The following SRPK2 variants were observed in gnomAD, a reference collection of about 807,000 sequenced individuals.
SRPK2 encodes SFRS protein kinase 2.
Under a neutral mutation model 90.8 loss-of-function variants are expected in SRPK2, and 21 were observed. The observed-to-expected ratio is 0.23, with a 90% CI of 0.16 to 0.33. The LOEUF is 0.33. Ranked by LOEUF, SRPK2 falls within the 10% of genes least tolerant of loss-of-function variation. The pLI is 1.00. For missense variants in SRPK2, 620 were observed against 869.0 expected, an observed-to-expected ratio of 0.71 and a Z score of 3.60; for synonymous variants, 288 against 311.1, an observed-to-expected ratio of 0.93 and a Z score of 0.78.
chr7:105,268,030 T>C (rs1025202160), intron 2 of SRPK2, among the ~76,000 whole-genome samples: 1 of 152,200 alleles, frequency 6.6e-6, no homozygotes, highest in African/African-American at 2.4e-5. Flanking sequence ...CAGAACTGTA[T>C]ACAATATTTG....
Position 105,153,319 on chromosome 7 carries a change from G to C in SRPK2, c.622-6661C>G, listed in dbSNP as rs1806006232. On this transcript the variant is annotated intron_variant, in intron 7 of 15. Coordinates refer to ENST00000393651, the MANE Select transcript of SRPK2 (RefSeq NM_182692.3). ...CAAATTAACTAGCTACAGGTTCAGA[G>C]AAAGTTCCTTCTTTTCCTTGAACCT... is the stretch of plus-strand genomic sequence containing the variant. Among the ~76,000 whole-genome samples, 3 of 152,208 alleles carry C rather than the reference G, an allele frequency of 2.0e-5. No individual in the cohort carries two copies. In the South Asian group the frequency reaches 6.2e-4, roughly 32 times the overall value.
intron 2 of SRPK2, among the ~76,000 whole-genome samples, chr7:105,371,779 T>C (rs1819722493): frequency 6.6e-6 from 1 of 152,014 alleles, no homozygotes; most frequent in African/African-American, 2.4e-5. Flanking sequence ...TATGATGTTC[T>C]CTCTCTCTAC....
At chr7:105,170,786 A>AAGGAAGGAC (rs1554435294) in intron 3 of SRPK2, among the ~76,000 whole-genome samples, 14 of 67,614 alleles carry the variant, frequency 2.1e-4, no homozygotes, top group Non-Finnish European at 2.7e-4. Context: ...GAAGGACGGG[A>AAGGAAGGAC]GGGAGGGAGG....
At chr7:105,337,585 G>A (rs1325681236) in intron 2 of SRPK2, among the ~76,000 whole-genome samples, 1 of 152,036 alleles carries the variant, frequency 6.6e-6, no homozygotes, top group East Asian at 1.9e-4. Context: ...AAAGTGCTAG[G>A]ATTACAGGCA....
chr7:105,352,541 A>T (rs757430307), intron 2 of SRPK2, among the ~76,000 whole-genome samples: 4 of 152,250 alleles, frequency 2.6e-5, no homozygotes, highest in Non-Finnish European at 4.4e-5. Flanking sequence ...ACAGAAACTA[A>T]GATGATAAAT....
At chr7:105,248,053 A>G (rs1585347967) in intron 2 of SRPK2, among the ~76,000 whole-genome samples, 2 of 152,176 alleles carry the variant, frequency 1.3e-5, no homozygotes, top group South Asian at 4.1e-4. Flanking sequence ...GGGTTTCTCC[A>G]TGCTGGTCAG....
At chr7:105,229,486 T>C (rs1324518079) in intron 2 of SRPK2, among the ~76,000 whole-genome samples, 2 of 152,128 alleles carry the variant, frequency 1.3e-5, no homozygotes, top group African/African-American at 2.4e-5. Context: ...GCCATCCTTT[T>C]TGTGCTAACA....
chr7:105,160,061 G>A (rs1807354658), intron 7 of SRPK2, among the ~76,000 whole-genome samples: 1 of 152,146 alleles, frequency 6.6e-6, no homozygotes, highest in African/African-American at 2.4e-5. Flanking sequence ...TAGATCTGCA[G>A]AATTTAACCA....
intron 3 of SRPK2, among the ~76,000 whole-genome samples, chr7:105,184,952 A>C (rs1339232066): frequency 6.6e-6 from 1 of 152,110 alleles, no homozygotes; most frequent in African/African-American, 2.4e-5. Context: ...TTTCATGGGC[A>C]AAGGAGGAGT....
chr7:105,365,685 G>A (rs372752407), intron 2 of SRPK2, among the ~76,000 whole-genome samples: 1 of 151,392 alleles, frequency 6.6e-6, no homozygotes, highest in East Asian at 1.9e-4. Context: ...TGCAGTCTCA[G>A]CTACTCGGGG....
intron 1 of SRPK2, among the ~76,000 whole-genome samples, chr7:105,398,007 C>T (rs1015211412): frequency 1.3e-5 from 2 of 151,942 alleles, no homozygotes; most frequent in South Asian, 2.1e-4. Flanking sequence ...CTTTTTTATT[C>T]GACCATATTT....
intron 6 of SRPK2, among the ~76,000 whole-genome samples, chr7:105,163,846 G>A (rs1489689126): frequency 6.6e-6 from 1 of 151,988 alleles, no homozygotes; most frequent in African/African-American, 2.4e-5. Context: ...AATTGAAGAG[G>A]ACAGATGACA....
Position 105,340,246 on chromosome 7 carries a change from C to A in SRPK2, c.71+48402G>T, listed in dbSNP as rs117678664. ...ATAGGAAGTACGCATTATGCCGTAC[C>A]ACAAAATACAATGACTATTTCAAGA... On this transcript the variant is annotated intron_variant, in intron 2 of 15. Transcript: ENST00000393651. Among the ~76,000 whole-genome samples the A allele has an allele frequency of 5.6e-3, 778 of 138,396 alleles. 11 individuals carry two copies. The East Asian group carries it at 0.061, about 11-fold the overall frequency. 90.8% of individuals were successfully genotyped at this position (138,396 alleles called of 152,430 possible).
At chr7:105,351,063 G>C (rs1003409496) in intron 2 of SRPK2, among the ~76,000 whole-genome samples, 2 of 152,112 alleles carry the variant, frequency 1.3e-5, no homozygotes, top group Non-Finnish European at 2.9e-5. Flanking sequence ...GTCTTTAAGA[G>C]GTGACTGTGT....
At position 105,117,528 on chromosome 7, in the gene SRPK2, G is replaced by A; in HGVS notation, c.*310C>T. On this transcript the variant is annotated 3_prime_UTR_variant, in exon 16 of 16. Transcript: ENST00000393651. ...TTACAAAACCTGCCAAAACACAAAG[G>A]GGAAAGTATTTTTCATTCAAAAAAA... 3.4e-6 allele frequency: 1 copy of A among 294,738 alleles called. No individual in the cohort carries two copies. The highest frequency in any genetic ancestry group is 6.3e-6 in the Non-Finnish European group (1 of 159,486). 18.3% of individuals were successfully genotyped at this position (294,738 alleles called of 1,614,324 possible).
intron 2 of SRPK2, among the ~76,000 whole-genome samples, chr7:105,348,363 G>A (rs185464638): frequency 1.6e-3 from 248 of 151,322 alleles, no homozygotes; most frequent in South Asian, 5.0e-3. Context: ...GAGTCACCGC[G>A]CACAGCAGTC....
At chr7:105,349,356 C>T (rs567114232) in intron 2 of SRPK2, among the ~76,000 whole-genome samples, 5 of 151,950 alleles carry the variant, frequency 3.3e-5, no homozygotes, top group Admixed American at 3.3e-4. Flanking sequence ...AGCCCCATCT[C>T]TACTAAAAAT....
chr7:105,234,121 C>T (rs1799850479), intron 2 of SRPK2, among the ~76,000 whole-genome samples: 1 of 151,990 alleles, frequency 6.6e-6, no homozygotes, highest in Non-Finnish European at 1.5e-5. Flanking sequence ...ACATTAAGAA[C>T]ACCTTTGCTG....
At chr7:105,342,612 A>G (rs1278660905) in intron 2 of SRPK2, among the ~76,000 whole-genome samples, 1 of 152,088 alleles carries the variant, frequency 6.6e-6, no homozygotes. Context: ...AACACTCTCC[A>G]CAAAGACATT....
Sources: allele counts gnomAD v4.1 joint callset (sites outside exome capture counted in the v4.1 genomes callset), GRCh38; gene constraint gnomAD v4.1.1; transcripts MANE v1.5; gene names NCBI Gene and HGNC (gene_info 2026-07-23, HGNC 2026-07-21).